Variants in KIT observed in about 807,000 individuals in gnomAD.
KIT encodes the protein KIT proto-oncogene, receptor tyrosine kinase.
A neutral mutation model predicts 105.7 loss-of-function variants in KIT; 16 were observed. The ratio of observed to expected loss-of-function variants is 0.15; its 90% CI spans 0.10 to 0.23. The LOEUF is 0.23. KIT is among the 10% of genes least tolerant of loss of function. The probability of loss-of-function intolerance (pLI) is 1.00; values close to 1 mark genes in which losing one functional copy is unlikely to be tolerated. For synonymous variants in KIT, 438 were observed against 441.1 expected, an observed-to-expected ratio of 0.99 and a Z score of 0.09; for missense variants, 858 against 1,213.8, an observed-to-expected ratio of 0.71 and a Z score of 4.36.
At chr4:54,688,217 C>T (rs1018204424) in intron 1 of KIT, among the ~76,000 whole-genome samples, 2 of 152,132 alleles carry the variant, frequency 1.3e-5, no homozygotes, top group Non-Finnish European at 2.9e-5. Context: ...GTGTTGTGGG[C>T]GATTACTGGG....
chr4:54,672,380 G>A (rs765144647), intron 1 of KIT, among the ~76,000 whole-genome samples: 15 of 151,908 alleles, frequency 9.9e-5, no homozygotes, highest in Non-Finnish European at 1.9e-4. Flanking sequence ...GTACCTTTGG[G>A]TATTTGTGAA....
In KIT at chr4:54,723,605, A is replaced by ACTTCTT; in HGVS notation, c.1254_1255insTTCTTC (p.Tyr418_Asp419insPhePhe). 1 of 1,613,982 alleles carries ACTTCTT rather than the reference A, an allele frequency of 6.2e-7. No individual in the cohort carries two copies. The highest frequency in any genetic ancestry group is 1.1e-5 in the South Asian group (1 of 91,074). ...GTAGCAAAACCAGAAATCCTGACTT[A>ACTTCTT]CGACAGGCTCGTGAATGGCATGCTC... On this transcript the variant is annotated inframe_insertion, in exon 8 of 21. Transcript: ENST00000288135.
At position 54,725,864 on chromosome 4, in the gene KIT, G is replaced by T. The variant is rs1315079882; in HGVS notation, c.1354G>T (p.Ala452Ser). The T allele has an allele frequency of 6.2e-7, 1 of 1,613,962 alleles. No individual in the cohort carries two copies. The highest frequency in any genetic ancestry group is 8.5e-7 in the Non-Finnish European group (1 of 1,179,964). ...TTGTTTTCTTCCCTTTAGATGCTCT[G>T]CTTCTGTACTGCCAGTGGATGTGCA... ...FCPGTEQRCS[A>S]SVLPVDVQTL... Residue 452 changes from alanine to serine, a missense_variant, in exon 9 of 21, where the codon GCT becomes TCT. Around this residue, in one of 7 missense-constraint regions of KIT, gnomAD observed 401 missense variants for 601.0 expected, o/e 0.67. Transcript: ENST00000288135.
chr4:54,666,848 C>T (rs1244578999), intron 1 of KIT, among the ~76,000 whole-genome samples: 1 of 152,182 alleles, frequency 6.6e-6, no homozygotes, highest in Non-Finnish European at 1.5e-5. Flanking sequence ...GCTGAATAGA[C>T]TCTAACATAA....
chr4:54,719,801 A>G (rs992892052), intron 7 of KIT, among the ~76,000 whole-genome samples: 1 of 152,172 alleles, frequency 6.6e-6, no homozygotes, highest in African/African-American at 2.4e-5. Flanking sequence ...TAAAATGCAG[A>G]TGAGCCCAGA....
Position 54,732,561 on chromosome 4 carries a change from T to C in KIT, c.2362-509T>C, listed in dbSNP as rs77603107. ...GAAAGGAGTTCCTTAGGAAGTAAGA[T>C]TAACCGAACAGAATGAGTTACCAGT... On this transcript the variant is annotated intron_variant, in intron 16 of 20. Transcript: ENST00000288135. Among the ~76,000 whole-genome samples, 1,108 of 152,208 alleles carry C rather than the reference T, an allele frequency of 7.3e-3. 14 individuals carry two copies. Among genetic ancestry groups the C allele is most frequent in the African/African-American group, 0.025 (1,032 of 41,546 alleles).
chr4:54,739,501 G>T lies in KIT; in HGVS notation c.*944G>T. The T allele has an allele frequency of 4.3e-6, 1 of 233,542 alleles. No homozygotes were observed. The allele number at this position is 233,542 out of a possible 1,614,324, so 14.5% of individuals were successfully genotyped here. On this transcript the variant is annotated 3_prime_UTR_variant, in exon 21 of 21. Transcript: ENST00000288135. ...CTTCAGAATGGCATTGTACTCAATG[G>T]ATTTGATGCTGTTTGACAAAGTTAC...
chr4:54,666,264 T>G (rs911267822), intron 1 of KIT, among the ~76,000 whole-genome samples: 9 of 151,972 alleles, frequency 5.9e-5, no homozygotes, highest in African/African-American at 2.2e-4. Flanking sequence ...ATTTTTTTGT[T>G]TTTGTTTTTT....
chr4:54,684,045 G>A (rs184178036), intron 1 of KIT, among the ~76,000 whole-genome samples: 1 of 152,328 alleles, frequency 6.6e-6, no homozygotes, highest in Admixed American at 6.5e-5. Flanking sequence ...CACTATGTCC[G>A]TGTGGTTTAA....
In KIT at chr4:54,703,973, T is replaced by A. The variant is rs982473449; in HGVS notation, c.925+81T>A. The A allele has an allele frequency of 2.6e-5, 29 of 1,105,176 alleles. No individual in the cohort carries two copies. The Admixed American group carries it at 4.7e-4, about 18-fold the overall frequency. 68.5% of individuals were successfully genotyped at this position (1,105,176 alleles called of 1,614,324 possible). A position where few individuals can be genotyped will look rare whatever the true frequency, so the allele number is the denominator to read the frequency against. On this transcript the variant is annotated intron_variant, in intron 5 of 20. Coordinates refer to ENST00000288135, the MANE Select transcript of KIT (RefSeq NM_000222.3). ...TTAGACAGTTTCTTTTTTATGTAAA[T>A]GGAATGTTGAACAGATTCTTAGAAT...
intron 11 of KIT, 43 bp from the exon 12 acceptor site, chr4:54,727,780 A>G (rs1722334612): frequency 6.7e-7 from 1 of 1,494,694 alleles, no homozygotes; most frequent in Admixed American, 1.7e-5. Flanking sequence ...CAATTCCACC[A>G]CCAGCACCAT....
chr4:54,684,712 C>G lies in KIT; in HGVS notation c.68-10800C>G, dbSNP rs866190065. Among the ~76,000 whole-genome samples, 4 of 152,342 alleles carry G rather than the reference C, an allele frequency of 2.6e-5. No individual in the cohort carries two copies. In the South Asian group the frequency reaches 6.2e-4, roughly 24 times the overall value. On this transcript the variant is annotated intron_variant, in intron 1 of 20. Transcript: ENST00000288135. ...GCTCCCCCGGCAGCACGACAAAGCTCCCTTCTTCCATGTCCCACTTCTGCC... is the reference window on the plus strand; with the variant it reads ...GCTCCCCCGGCAGCACGACAAAGCTGCCTTCTTCCATGTCCCACTTCTGCC...
In KIT at chr4:54,695,619, A is replaced by T. The variant is rs747004948; in HGVS notation, c.175A>T (p.Thr59Ser). 6.2e-7 allele frequency: 1 copy of T among 1,614,246 alleles called. No homozygotes were observed. Among genetic ancestry groups the T allele is most frequent in the Non-Finnish European group, 8.5e-7 (1 of 1,180,036 alleles). Residue 59 changes from threonine (T) to serine (S), a missense_variant, in exon 2 of 21, where the codon ACT becomes TCT. Physicochemically the swap from Thr to Ser is moderately conservative, Grantham distance 58 (BLOSUM62 1). This residue lies in a region of KIT where 401 missense variants were observed against 601.0 expected (regional missense o/e 0.67). Coordinates refer to ENST00000288135, the MANE Select transcript of KIT (RefSeq NM_000222.3). The part of the protein sequence containing the change: ...RVGDEIRLLC[T>S]DPGFVKWTFE... ...GGGCGACGAGATTAGGCTGTTATGC[A>T]CTGATCCGGGCTTTGTCAAATGGAC...
chr4:54,721,848 C>T (rs537767125), intron 7 of KIT, among the ~76,000 whole-genome samples: 27 of 152,114 alleles, frequency 1.8e-4, no homozygotes, highest in Non-Finnish European at 1.5e-5. Context: ...AAAATATACA[C>T]CTTATCAGAC....
At chr4:54,723,499 G>A in intron 7 of KIT, 85 bp from the exon 8 acceptor site, 1 of 868,482 alleles carries the variant, frequency 1.2e-6, no homozygotes, top group African/African-American at 1.6e-5. Context: ...CCTCAGGAAG[G>A]TTGTAGGGAT....
In KIT at chr4:54,738,874, A is replaced by G. The variant is rs1482759261; in HGVS notation, c.*317A>G. The G allele has an allele frequency of 5.0e-6, 3 of 597,284 alleles. No homozygotes were observed. Among genetic ancestry groups the G allele is most frequent in the Non-Finnish European group, 5.9e-6 (2 of 336,630 alleles). The allele number at this position is 597,284 out of a possible 1,614,324, so 37.0% of individuals were successfully genotyped here. On this transcript the variant is annotated 3_prime_UTR_variant, in exon 21 of 21. Coordinates refer to ENST00000288135, the MANE Select transcript of KIT (RefSeq NM_000222.3). ...TTCCAAGGCTTCTCCAATTCTGCCC[A>G]AAAATATGGTTGATAGTTTACCTGA...
chr4:54,687,725 T>C, intron 1 of KIT, among the ~76,000 whole-genome samples: 1 of 152,088 alleles, frequency 6.6e-6, no homozygotes, highest in East Asian at 1.9e-4. Flanking sequence ...TTGAGAACTT[T>C]GTCTTCGCCT....
At chr4:54,675,967 G>A (rs1234092417) in intron 1 of KIT, among the ~76,000 whole-genome samples, 2 of 152,170 alleles carry the variant, frequency 1.3e-5, no homozygotes, top group Admixed American at 6.5e-5. Flanking sequence ...TAAAGCTTGG[G>A]GATTCGAGAA....
chr4:54,677,255 C>T (rs1327811133), intron 1 of KIT, among the ~76,000 whole-genome samples: 5 of 151,322 alleles, frequency 3.3e-5, no homozygotes, highest in Admixed American at 2.6e-4. Flanking sequence ...CTCCCGCCCC[C>T]ATCCCCACTC....
Sources: allele counts gnomAD v4.1 joint callset (sites outside exome capture counted in the v4.1 genomes callset), GRCh38; gene constraint gnomAD v4.1.1; regional missense constraint gnomAD v4.1.1; transcripts MANE v1.5; gene names NCBI Gene and HGNC (gene_info 2026-07-23, HGNC 2026-07-21).